PDXDC1: variants seen among roughly 807,000 people sequenced by gnomAD.
PDXDC1 encodes the protein pyridoxal dependent decarboxylase domain containing 1.
In PDXDC1, 42 loss-of-function variants were observed where a neutral mutation model predicts 100.1. The observed-to-expected ratio is 0.42, with a 90% CI of 0.33 to 0.54. The LOEUF (loss-of-function observed/expected upper bound fraction) is 0.54. Among genes scored for constraint, PDXDC1 ranks in the 20% least tolerant of loss-of-function variants. The pLI, the probability that PDXDC1 is intolerant of heterozygous loss-of-function variation, is 0.10. For synonymous variants in PDXDC1, 260 were observed against 371.7 expected, an observed-to-expected ratio of 0.70 and a Z score of 3.46; for missense variants, 636 against 979.2, an observed-to-expected ratio of 0.65 and a Z score of 4.68.
At chr16:15,076,766 A>T (rs553451823) in intron 16 of PDXDC1, 3 of 696,684 alleles carry the variant, frequency 4.3e-6, no homozygotes, top group Admixed American at 2.3e-5. Context: ...TTAGTGCCTT[A>T]TATCACACCC....
downstream of PDXDC1, among the ~76,000 whole-genome samples, chr16:15,143,989 G>A (rs924078691): frequency 2.6e-5 from 4 of 152,182 alleles, no homozygotes; most frequent in South Asian, 2.1e-4. Context: ...GGACCGGCTC[G>A]GAGGGGCCAC....
chr16:15,051,831 G>A (rs1425045978), intron 16 of PDXDC1, among the ~76,000 whole-genome samples: 1 of 151,472 alleles, frequency 6.6e-6, no homozygotes, highest in Non-Finnish European at 1.5e-5. Flanking sequence ...CTCCTTTGCA[G>A]TAGCTGGAAC....
chr16:15,100,891 C>A (rs1463824104), intron 16 of PDXDC1, among the ~76,000 whole-genome samples: 3 of 152,086 alleles, frequency 2.0e-5, no homozygotes, highest in Non-Finnish European at 4.4e-5. Flanking sequence ...GAGGCTGAGA[C>A]GTGAGGATCA....
chr16:15,047,456 G>A (rs766665477), intron 16 of PDXDC1: 28 of 1,605,160 alleles, frequency 1.7e-5, no homozygotes, highest in African/African-American at 5.4e-5. Context: ...CACATTGAGC[G>A]TGGTCAGAAA....
At chr16:14,976,187 C>G (rs1177295802) in intron 1 of PDXDC1, among the ~76,000 whole-genome samples, 1 of 152,280 alleles carries the variant, frequency 6.6e-6, no homozygotes, top group Non-Finnish European at 1.5e-5. Context: ...CAAAGCCCTT[C>G]TGTCTGTTCC....
chr16:15,133,600 G>C, intron 16 of PDXDC1: 4 of 1,170,434 alleles, frequency 3.4e-6, no homozygotes, highest in Non-Finnish European at 5.1e-6. Flanking sequence ...AGCCGGAGAG[G>C]CTGCCCTTGT....
chr16:15,063,254 T>A (rs1207796795), intron 16 of PDXDC1: 1 of 1,613,298 alleles, frequency 6.2e-7, no homozygotes, highest in Non-Finnish European at 8.5e-7. Flanking sequence ...TTCCCACACC[T>A]GATAAATAGG....
intron 1 of PDXDC1, among the ~76,000 whole-genome samples, chr16:14,987,605 T>G (rs1324678365): frequency 6.6e-6 from 1 of 152,294 alleles, no homozygotes; most frequent in East Asian, 1.9e-4. Context: ...CATAGAATAC[T>G]GTTTTTCCTT....
At chr16:15,145,706 T>C in the PDXDC1 span, among the ~76,000 whole-genome samples, 2 of 152,140 alleles carry the variant, frequency 1.3e-5, no homozygotes, top group South Asian at 2.1e-4. Flanking sequence ...AAGAGCGAGG[T>C]GTTCTGGGAA....
intron 8 of PDXDC1, among the ~76,000 whole-genome samples, chr16:15,012,972 C>T (rs1167413145): frequency 6.6e-6 from 1 of 152,212 alleles, no homozygotes; most frequent in African/African-American, 2.4e-5. Flanking sequence ...GAGATCAAGA[C>T]ATCCTGGCTA....
intron 16 of PDXDC1, chr16:15,083,467 G>A (rs567670200): frequency 7.5e-6 from 12 of 1,605,272 alleles, no homozygotes; most frequent in East Asian, 2.2e-5. Flanking sequence ...AAATGAAATC[G>A]TACAAACAAC....
At chr16:15,041,274 C>G (rs578091063), downstream of PDXDC1, among the ~76,000 whole-genome samples, 1 of 152,240 alleles carries the variant, frequency 6.6e-6, no homozygotes, top group South Asian at 2.1e-4. Context: ...TTTCCCTACC[C>G]TGTCCCAAGG....
chr16:15,021,515 C>G (rs2042206793), intron 12 of PDXDC1, among the ~76,000 whole-genome samples: 1 of 152,280 alleles, frequency 6.6e-6, no homozygotes, highest in Non-Finnish European at 1.5e-5. Flanking sequence ...GCCTTAGTAA[C>G]TTAGTTTAGA....
chr16:15,085,044 C>T (rs944973010), intron 16 of PDXDC1, among the ~76,000 whole-genome samples: 2 of 151,960 alleles, frequency 1.3e-5, no homozygotes, highest in African/African-American at 4.8e-5. Context: ...CCAGCCTGGG[C>T]AACAGAGCGA....
intron 16 of PDXDC1, chr16:15,092,735 C>A: frequency 3.0e-6 from 2 of 665,038 alleles, no homozygotes; most frequent in Non-Finnish European, 5.3e-6. Context: ...TACTGGTCTC[C>A]CTGCTTCCAC....
At chr16:15,090,451 G>C (rs1437092792) in intron 16 of PDXDC1, among the ~76,000 whole-genome samples, 1 of 152,148 alleles carries the variant, frequency 6.6e-6, no homozygotes, top group Non-Finnish European at 1.5e-5. Flanking sequence ...TTTAAAGCCA[G>C]GCACTTTAAA....
rs1345131319 is a variant in PDXDC1 at position 15,037,853 on chromosome 16, T to C, written c.*1578T>C. 7.7e-6 allele frequency: 4 copies of C among 519,930 alleles called. No individual in the cohort carries two copies. The highest frequency in any genetic ancestry group is 1.3e-5 in the Non-Finnish European group (4 of 296,446). 32.2% of individuals were successfully genotyped at this position (519,930 alleles called of 1,614,324 possible). On this transcript the variant is annotated 3_prime_UTR_variant, in exon 23 of 23. Coordinates refer to ENST00000396410, the MANE Select transcript of PDXDC1 (RefSeq NM_015027.4). ...AAACCAAAAAATAAGTCTCAACAAA[T>C]GCCTTTGCCAAAATAAGGTTTTATT...
At chr16:15,000,781 G>C (rs920600273) in intron 3 of PDXDC1, among the ~76,000 whole-genome samples, 1 of 151,916 alleles carries the variant, frequency 6.6e-6, no homozygotes, top group African/African-American at 2.4e-5. Context: ...TGCATTGTTA[G>C]AGGCTGTTAG....
chr16:15,030,815 T>A (rs191521662), intron 16 of PDXDC1, among the ~76,000 whole-genome samples: 21 of 152,150 alleles, frequency 1.4e-4, no homozygotes, highest in African/African-American at 4.8e-4. Context: ...TATATTTTGA[T>A]GTCTTGTGAC....
Sources: gnomAD v4.1 joint callset for allele counts (sites outside exome capture counted in the v4.1 genomes callset) on GRCh38, gnomAD v4.1.1 for gene constraint, MANE v1.5 for transcripts, NCBI Gene and HGNC (gene_info 2026-07-23, HGNC 2026-07-21) for gene names.